The following IL7 variants were observed in gnomAD, a reference collection of about 807,000 sequenced individuals.
IL7 encodes the protein interleukin-7.
In IL7, 3 loss-of-function variants were observed where a neutral mutation model predicts 21.6. That is an observed-to-expected ratio of 0.14 (90% confidence interval 0.06 to 0.36). The LOEUF is 0.36. Ranked by LOEUF, IL7 falls within the 10% of genes least tolerant of loss-of-function variation. IL7 has a pLI of 1.00. For missense variants in IL7, 175 were observed against 200.2 expected, an observed-to-expected ratio of 0.87 and a Z score of 0.76; for synonymous variants, 62 against 68.1, an observed-to-expected ratio of 0.91 and a Z score of 0.44.
At chr8:78,727,099 T>A (rs1811352555) in intron 3 of IL7, among the ~76,000 whole-genome samples, 1 of 151,976 alleles carries the variant, frequency 6.6e-6, no homozygotes, top group South Asian at 2.1e-4. Context: ...ATGCCTCTCT[T>A]AGTTATCTGT....
intron 2 of IL7, among the ~76,000 whole-genome samples, chr8:78,755,994 A>G (rs1378412329): frequency 1.1e-4 from 17 of 152,028 alleles, no homozygotes; most frequent in Admixed American, 1.0e-3. Context: ...TTGAGTTGCA[A>G]TACTTTGTTT....
At chr8:78,768,683 A>T (rs2130782096) in intron 2 of IL7, among the ~76,000 whole-genome samples, 1 of 151,772 alleles carries the variant, frequency 6.6e-6, no homozygotes, top group South Asian at 2.1e-4. Flanking sequence ...CCTTTGTCAG[A>T]TGAGTAGGTT....
intron 3 of IL7, among the ~76,000 whole-genome samples, chr8:78,690,435 C>G (rs1353290815): frequency 6.6e-6 from 1 of 151,992 alleles, no homozygotes. Context: ...TGGCGGGCGC[C>G]TGTAGTCCCA....
intron 2 of IL7, among the ~76,000 whole-genome samples, chr8:78,790,843 C>A (rs1322967020): frequency 6.6e-6 from 1 of 151,626 alleles, no homozygotes; most frequent in Non-Finnish European, 1.5e-5. Flanking sequence ...ATCCCATGTT[C>A]ATGGACCACA....
intron 2 of IL7, among the ~76,000 whole-genome samples, chr8:78,796,052 T>G (rs914571467): frequency 6.6e-6 from 1 of 152,060 alleles, no homozygotes; most frequent in Admixed American, 6.6e-5. Context: ...TCAGTTTCAA[T>G]CTGATTGAAA....
intron 2 of IL7, among the ~76,000 whole-genome samples, chr8:78,775,069 G>T (rs897340057): frequency 6.6e-6 from 1 of 152,054 alleles, no homozygotes; most frequent in African/African-American, 2.4e-5. Context: ...TATTTTTCTG[G>T]AGGTAATATA....
At chr8:78,694,459 G>C (rs556147711) in intron 3 of IL7, among the ~76,000 whole-genome samples, 1 of 152,070 alleles carries the variant, frequency 6.6e-6, no homozygotes, top group East Asian at 1.9e-4. Flanking sequence ...TATCAGTCTG[G>C]AAACATTTGA....
intron 3 of IL7, chr8:78,698,601 A>G: frequency 3.0e-6 from 3 of 988,024 alleles, no homozygotes; most frequent in Admixed American, 6.1e-5. Flanking sequence ...TTTTTCATTC[A>G]TCTTCATTTC....
chr8:78,783,362 C>G (rs180895394), intron 2 of IL7, among the ~76,000 whole-genome samples: 5 of 152,176 alleles, frequency 3.3e-5, no homozygotes, highest in South Asian at 2.1e-4. Flanking sequence ...CCACTTACCC[C>G]CTGCAGGTGG....
chr8:78,771,067 A>T (rs530438120), intron 2 of IL7, among the ~76,000 whole-genome samples: 1 of 152,174 alleles, frequency 6.6e-6, no homozygotes, highest in South Asian at 2.1e-4. Context: ...CTCTAGTGGG[A>T]ATCACTAATG....
At chr8:78,684,998 A>G (rs1809918388) in intron 4 of IL7, among the ~76,000 whole-genome samples, 1 of 152,168 alleles carries the variant, frequency 6.6e-6, no homozygotes, top group African/African-American at 2.4e-5. Context: ...TTACATCAAA[A>G]AATTTATATA....
downstream of IL7, among the ~76,000 whole-genome samples, chr8:78,732,316 A>C (rs1055277308): frequency 6.6e-6 from 1 of 152,164 alleles, no homozygotes. Context: ...ACAATTCTAT[A>C]CAGCTATCGC....
At chr8:78,741,254 C>T (rs1410964111) in intron 2 of IL7, among the ~76,000 whole-genome samples, 1 of 152,198 alleles carries the variant, frequency 6.6e-6, no homozygotes, top group African/African-American at 2.4e-5. Context: ...TGAATACATA[C>T]ATCTCAAGTG....
At chr8:78,683,569 A>G (rs1563624289) in intron 4 of IL7, among the ~76,000 whole-genome samples, 1 of 152,134 alleles carries the variant, frequency 6.6e-6, no homozygotes, top group Non-Finnish European at 1.5e-5. Flanking sequence ...GACCTGGCCT[A>G]GGAAACCATT....
chr8:78,719,676 A>G (rs1398728172), intron 5 of IL7: 1 of 151,736 alleles, frequency 6.6e-6, no homozygotes, highest in Non-Finnish European at 1.5e-5. Flanking sequence ...TGTGGTGACT[A>G]TTATTTCTTG....
intron 3 of IL7, among the ~76,000 whole-genome samples, chr8:78,687,550 T>TA (rs2130491093): frequency 7.0e-6 from 1 of 143,294 alleles, no homozygotes; most frequent in South Asian, 2.1e-4. Flanking sequence ...ATAATAAATT[T>TA]TATATTTACA....
chr8:78,790,931 A>G (rs1453837395), intron 2 of IL7, among the ~76,000 whole-genome samples: 1 of 152,094 alleles, frequency 6.6e-6, no homozygotes, highest in African/African-American at 2.4e-5. Flanking sequence ...CAAAAAAAAA[A>G]AAAGTAAAAT....
At chr8:78,786,802 G>C (rs189506945) in intron 2 of IL7, among the ~76,000 whole-genome samples, 164 of 152,230 alleles carry the variant, frequency 1.1e-3, no homozygotes, top group African/African-American at 3.8e-3. Flanking sequence ...GTATCTGGCA[G>C]CCCCTAGGCA....
At chr8:78,803,416 G>T (rs975290840) in intron 1 of IL7, among the ~76,000 whole-genome samples, 1 of 152,178 alleles carries the variant, frequency 6.6e-6, no homozygotes, top group Non-Finnish European at 1.5e-5. Flanking sequence ...AAAAGAAATG[G>T]CAAAGACAAA....
Sources: allele counts gnomAD v4.1 joint callset (sites outside exome capture counted in the v4.1 genomes callset), GRCh38; gene constraint gnomAD v4.1.1; transcripts MANE v1.5; gene names NCBI Gene and HGNC (gene_info 2026-07-23, HGNC 2026-07-21).